The following SLC51A variants were observed in gnomAD, a reference collection of about 807,000 sequenced individuals.
The protein encoded by SLC51A is solute carrier family 51 member A, also known as organic solute transporter subunit alpha.
A neutral mutation model predicts 34.8 loss-of-function variants in SLC51A; 22 were observed. The observed-to-expected ratio is 0.63, with a 90% CI of 0.45 to 0.90. The LOEUF (loss-of-function observed/expected upper bound fraction) is 0.90. Among genes scored for constraint, SLC51A ranks in the 40% least tolerant of loss-of-function variants. The pLI is 0.00. For missense variants in SLC51A, 371 were observed against 414.8 expected, an observed-to-expected ratio of 0.89 and a Z score of 0.92; for synonymous variants, 181 against 176.3, an observed-to-expected ratio of 1.03 and a Z score of -0.21.
intron 1 of SLC51A, among the ~76,000 whole-genome samples, chr3:196,217,245 G>T (rs1181883202): frequency 5.9e-5 from 9 of 152,252 alleles, no homozygotes. Context: ...GGGCCCTGAG[G>T]CCGGGCGCCT....
At chr3:196,232,967 G>A in intron 8 of SLC51A, 96 bp from the exon 9 acceptor site, 1 of 1,251,304 alleles carries the variant, frequency 8.0e-7, no homozygotes, top group Non-Finnish European at 1.1e-6. Context: ...GGATAAACTG[G>A]AGAAAGTGTT....
chr3:196,229,844 C>T lies in SLC51A; in HGVS notation c.634-71C>T, dbSNP rs546366341. 86 of 1,509,586 alleles carry T rather than the reference C, an allele frequency of 5.7e-5. No individual in the cohort carries two copies. The African/African-American group carries it at 9.9e-4, about 17-fold the overall frequency. 93.5% of individuals were successfully genotyped at this position (1,509,586 alleles called of 1,614,324 possible). On this transcript the variant is annotated intron_variant, in intron 6 of 8. Coordinates refer to ENST00000296327, the MANE Select transcript of SLC51A (RefSeq NM_152672.6). ...CTTTCAGCTGGGTGACAGAGTGACACCATCTCTTGAAAGAGAGAGAGAGAG... is the reference window on the plus strand; with the variant it reads ...CTTTCAGCTGGGTGACAGAGTGACATCATCTCTTGAAAGAGAGAGAGAGAG...
Position 196,226,789 on chromosome 3 carries a change from AGAAAAAG to A in SLC51A, c.134-175_134-169del, listed in dbSNP as rs1560153875. ...GCTCCGTCTTAAAAAAAAAAAAAAAAGAAAAAGAAAAAAAAAAGACTATTTCTTAGGT... is the reference window on the plus strand; with the variant it reads ...GCTCCGTCTTAAAAAAAAAAAAAAAAAAAAAAAAAAGACTATTTCTTAGGT... On this transcript the variant is annotated intron_variant, in intron 2 of 8. Coordinates refer to ENST00000296327, the MANE Select transcript of SLC51A (RefSeq NM_152672.6). Among the ~76,000 whole-genome samples, 44 of 142,900 alleles carry A rather than the reference AGAAAAAG, an allele frequency of 3.1e-4. 1 individual carries two copies. The highest frequency in any genetic ancestry group is 4.5e-4 in the South Asian group (2 of 4,412). The allele number at this position is 142,900 out of a possible 152,430, so 93.7% of individuals were successfully genotyped here.
chr3:196,217,936 G>A lies in SLC51A; in HGVS notation c.133G>A (p.Ala45Thr), dbSNP rs767804596. 5 of 1,611,560 alleles carry A rather than the reference G, an allele frequency of 3.1e-6. No individual in the cohort carries two copies. The highest frequency in any genetic ancestry group is 4.2e-6 in the Non-Finnish European group (5 of 1,178,854). Residue 45 changes from alanine (A) to threonine (T), a missense_variant and splice_region_variant, in exon 2 of 9, where the codon GCC becomes ACC. Physicochemically the swap from Ala to Thr is moderately conservative, Grantham distance 58. Transcript: ENST00000296327. ...QPPTAAQLLR[A>T]LGPVELALTS... is the part of the protein sequence containing the mutation. ...TCCCACAGCAGCCCAACTCCTGAGA[G>A]GTGAGTGGGGACCCTCCTCAGAGGG...
chr3:196,216,735 T>TA lies in SLC51A; in HGVS notation c.26dup (p.Leu10AlafsTer2). ...GCGATGGAGCCGGGCAGGACCCAGA[T>TA]AAAGCTTGACCCCAGGTAAGTGAGG... On this transcript the variant is annotated frameshift_variant, in exon 1 of 9. Coordinates refer to ENST00000296327, the MANE Select transcript of SLC51A (RefSeq NM_152672.6). LOFTEE classifies it high-confidence loss of function. The surrounding 1 kb of genome is among the most constrained non-coding windows in gnomAD (Gnocchi z 4.5). 1 of 1,578,264 alleles carries TA rather than the reference T, an allele frequency of 6.3e-7. No individual in the cohort carries two copies. The highest frequency in any genetic ancestry group is 2.3e-5 in the East Asian group (1 of 43,022).
rs1723944688 is a variant in SLC51A at position 196,228,205 on chromosome 3, C to T, written c.453C>T (p.Thr151=). Residue 151 remains threonine (T), a synonymous_variant, in exon 5 of 9, where the codon ACC becomes ACT. Transcript: ENST00000296327. The surrounding 1 kb of genome is among the most constrained non-coding windows in gnomAD (Gnocchi z 4.9). ...CAGTGCTGAGGACGCTGAGGGACAC[C>T]CCGATGATGGTCCACACAGGCCCCT... is the stretch of plus-strand genomic sequence containing the variant. ...KEAVLRTLRD[T]PMMVHTGPCC... The T allele has an allele frequency of 2.5e-6, 4 of 1,613,896 alleles. No homozygotes were observed. Among genetic ancestry groups the T allele is most frequent in the African/African-American group, 1.3e-5 (1 of 74,940 alleles).
chr3:196,229,356 G>A (rs1723974163), intron 6 of SLC51A, among the ~76,000 whole-genome samples: 1 of 150,850 alleles, frequency 6.6e-6, no homozygotes, highest in African/African-American at 2.4e-5. Flanking sequence ...ACCAGCTTGG[G>A]CAACATAGTG....
At chr3:196,219,802 C>T (rs1410303653) in intron 2 of SLC51A, among the ~76,000 whole-genome samples, 1 of 152,244 alleles carries the variant, frequency 6.6e-6, no homozygotes, top group Non-Finnish European at 1.5e-5. Context: ...CTACAGGGCA[C>T]GGGAAGAGCC....
At chr3:196,232,339 A>G in intron 7 of SLC51A, 80 bp from the exon 8 acceptor site, 1 of 1,101,626 alleles carries the variant, frequency 9.1e-7, no homozygotes, top group South Asian at 1.3e-5. Context: ...CGGAAGGGCA[A>G]GGCCCGGCAG....
Position 196,232,466 on chromosome 3 carries a change from G to A in SLC51A, c.828G>A (p.Leu276=). The A allele has an allele frequency of 6.2e-7, 1 of 1,614,172 alleles. No individual in the cohort carries two copies. The highest frequency in any genetic ancestry group is 8.5e-7 in the Non-Finnish European group (1 of 1,180,012). ...TACAGCCCTCCATCTTCTCAGTCTT[G>A]GCCAACGGTGGGCAGATTGCTTGTT... is the stretch of plus-strand genomic sequence containing the variant. The part of the protein sequence containing the change: ...TALQPSIFSV[L]ANGGQIACSP... The change falls in exon 8 of 9, where the codon TTG becomes TTA. Residue 276 remains leucine, a synonymous_variant. Transcript: ENST00000296327.
chr3:196,222,350 T>C (rs988858897), intron 2 of SLC51A, among the ~76,000 whole-genome samples: 35 of 152,062 alleles, frequency 2.3e-4, no homozygotes, highest in African/African-American at 8.2e-4. Context: ...AGTTAAGTTT[T>C]GTGACCAGGC....
chr3:196,216,609 CCA>C lies in SLC51A; in HGVS notation c.-102_-101del, dbSNP rs1475164840. On this transcript the variant is annotated 5_prime_UTR_variant, in exon 1 of 9. Transcript: ENST00000296327. This position sits in a 1 kb window ranked among gnomAD's most constrained non-coding sequence, Gnocchi z 4.5. ...AAGACTCTGCAATTCTGCTTGCCCC[CCA>C]CCCCGGCCCAGGCAAGCCACCCTGC... The C allele has an allele frequency of 7.6e-6, 9 of 1,186,376 alleles. No homozygotes were observed. Among genetic ancestry groups the C allele is most frequent in the African/African-American group, 6.1e-5 (4 of 65,766 alleles). The allele number at this position is 1,186,376 out of a possible 1,614,324, so 73.5% of individuals were successfully genotyped here.
chr3:196,225,212 G>T, intron 2 of SLC51A, among the ~76,000 whole-genome samples: 1 of 152,034 alleles, frequency 6.6e-6, no homozygotes, highest in South Asian at 2.1e-4. Flanking sequence ...GGCCTCAAGT[G>T]ATCCGCCCAC....
chr3:196,224,701 G>GC lies in SLC51A; in HGVS notation c.134-2264_134-2263insC, dbSNP rs1273030526. Among the ~76,000 whole-genome samples, 640 of 108,978 alleles carry GC rather than the reference G, an allele frequency of 5.9e-3. 37 individuals are homozygous for GC. The East Asian group carries it at 0.061, about 10-fold the overall frequency. The allele number at this position is 108,978 out of a possible 152,430, so 71.5% of individuals were successfully genotyped here. A position where few individuals can be genotyped will look rare whatever the true frequency, so the allele number is the denominator to read the frequency against. Reference sequence around the variant, plus strand: ...AAAGAAGAGAAGGGGGCGGGGCGGGGGGGGGAGGAGATGGGAGGGGAGGAG... The same window carrying GC: ...AAAGAAGAGAAGGGGGCGGGGCGGGGCGGGGGAGGAGATGGGAGGGGAGGAG... On this transcript the variant is annotated intron_variant, in intron 2 of 8. Coordinates refer to ENST00000296327, the MANE Select transcript of SLC51A (RefSeq NM_152672.6).
chr3:196,219,175 G>A (rs1313262238), intron 2 of SLC51A, among the ~76,000 whole-genome samples: 3 of 152,126 alleles, frequency 2.0e-5, no homozygotes, highest in South Asian at 2.1e-4. Context: ...GCAGTGAGCC[G>A]AGATCACGCC....
intron 3 of SLC51A, 52 bp downstream of exon 3, chr3:196,227,171 C>T (rs1447810538): frequency 1.3e-6 from 2 of 1,581,858 alleles, no homozygotes; most frequent in Non-Finnish European, 1.7e-6. Context: ...AGGCAGAGAC[C>T]AAGGTGAGAA....
In SLC51A at chr3:196,230,022, G is replaced by A. The variant is rs372259930; in HGVS notation, c.741G>A (p.Leu247=). The change falls in exon 7 of 9, where the codon CTG becomes CTA. Residue 247 remains leucine (L), a synonymous_variant. Transcript: ENST00000296327. ...GIISRQARLH[L]GEQNMGAKFA... ...TTTCCCGTCAAGCCAGGCTACACCT[G>A]GGTGAGCAGAACATGGGAGCCAAAT... is the stretch of plus-strand genomic sequence containing the variant. The A allele has an allele frequency of 1.1e-5, 17 of 1,613,638 alleles. No homozygotes were observed. Among genetic ancestry groups the A allele is most frequent in the African/African-American group, 9.3e-5 (7 of 74,888 alleles).
intron 2 of SLC51A, among the ~76,000 whole-genome samples, chr3:196,220,591 C>T (rs9844310): frequency 0.017 from 2,653 of 152,228 alleles, 86 homozygotes; most frequent in African/African-American, 0.06. Context: ...AACAAGACTC[C>T]GTCTCAACAA....
intron 8 of SLC51A, 28 bp from the exon 9 acceptor site, chr3:196,233,035 C>T: frequency 6.2e-7 from 1 of 1,611,742 alleles, no homozygotes; most frequent in Non-Finnish European, 8.5e-7. Flanking sequence ...TCAGCATAAC[C>T]TACGCTGTAT....
Sources: allele counts gnomAD v4.1 joint callset (sites outside exome capture counted in the v4.1 genomes callset), GRCh38; gene constraint gnomAD v4.1.1; non-coding constraint Gnocchi (gnomAD v3.1); transcripts MANE v1.5; gene names NCBI Gene and HGNC (gene_info 2026-07-23, HGNC 2026-07-21).